Variants in GRAMD2A observed in about 807,000 individuals in gnomAD.
The protein encoded by GRAMD2A is GRAM domain containing 2A.
GRAMD2A carries 37 observed loss-of-function variants against 51.1 expected under a neutral mutation model. That is an observed-to-expected ratio of 0.72 (90% CI 0.56 to 0.95). The LOEUF is 0.95. GRAMD2A is among the 40% of genes least tolerant of loss of function. The pLI, the probability that GRAMD2A is intolerant of heterozygous loss-of-function variation, is 0.00. For synonymous variants in GRAMD2A, 136 were observed against 157.1 expected (o/e 0.87, Z 1.01); for missense variants, 414 against 426.9 (o/e 0.97, Z 0.27).
intron 1 of GRAMD2A, among the ~76,000 whole-genome samples, chr15:72,172,279 G>A (rs569996368): frequency 2.0e-5 from 3 of 151,608 alleles, no homozygotes; most frequent in East Asian, 1.9e-4. Context: ...CCACCATGCC[G>A]GGCTAAGGTT....
chr15:72,181,880 G>A (rs2081699335), intron 1 of GRAMD2A, among the ~76,000 whole-genome samples: 1 of 152,182 alleles, frequency 6.6e-6, no homozygotes, highest in Non-Finnish European at 1.5e-5. Flanking sequence ...TGAGTTACTG[G>A]CCCATAAGTG....
chr15:72,167,369 C>A (rs1481716404), intron 5 of GRAMD2A, among the ~76,000 whole-genome samples: 4 of 152,250 alleles, frequency 2.6e-5, no homozygotes, highest in Non-Finnish European at 5.9e-5. Flanking sequence ...TCTGGTAAAT[C>A]TCATACTCTA....
intron 1 of GRAMD2A, among the ~76,000 whole-genome samples, chr15:72,196,030 G>A (rs2081802956): frequency 6.6e-6 from 1 of 152,238 alleles, no homozygotes; most frequent in Non-Finnish European, 1.5e-5. Context: ...AAGTTGGGAA[G>A]GAGAACTTCT....
At chr15:72,196,419 G>A (rs1016382105) in intron 1 of GRAMD2A, among the ~76,000 whole-genome samples, 10 of 152,080 alleles carry the variant, frequency 6.6e-5, no homozygotes, top group African/African-American at 2.4e-4. Flanking sequence ...GGGAGGCTGA[G>A]GCAGGAGGAT....
At chr15:72,189,920 A>G (rs2081756350) in intron 1 of GRAMD2A, among the ~76,000 whole-genome samples, 1 of 152,180 alleles carries the variant, frequency 6.6e-6, no homozygotes, top group South Asian at 2.1e-4. Flanking sequence ...ACCCTTACTC[A>G]GTGTTATCCA....
At chr15:72,165,516 AC>A in intron 7 of GRAMD2A, 106 bp from the exon 8 acceptor site, 1 of 1,121,376 alleles carries the variant, frequency 8.9e-7, no homozygotes, top group South Asian at 1.3e-5. Flanking sequence ...CAAATAAGCC[AC>A]TTTGTGTCAG....
chr15:72,162,360 A>G lies in GRAMD2A; in HGVS notation c.974T>C (p.Met325Thr). ...ACGGAACGCCAGGTAGGATGAGGAC[A>G]TGACCAGGAAGCAGATCCTGAAGAA... The part of the protein sequence containing the change: ...VFFVLICFLV[M>T]SSSYLAFRIS... The change falls in exon 11 of 12, where the codon ATG (methionine) becomes ACG (threonine). Residue 325 changes from methionine to threonine, a missense_variant. Transcript: ENST00000309731. 6.2e-7 allele frequency: 1 copy of G among 1,613,610 alleles called. No homozygotes were observed. The highest frequency in any genetic ancestry group is 1.1e-5 in the South Asian group (1 of 91,054).
intron 1 of GRAMD2A, among the ~76,000 whole-genome samples, chr15:72,184,095 C>G (rs2081717884): frequency 6.6e-6 from 1 of 152,262 alleles, no homozygotes; most frequent in African/African-American, 2.4e-5. Context: ...TTGCATCTTT[C>G]TCTCCTGGTT....
At chr15:72,179,934 C>T (rs12906356) in intron 1 of GRAMD2A, among the ~76,000 whole-genome samples, 2,055 of 152,308 alleles carry the variant, frequency 0.013, 21 homozygotes, top group East Asian at 0.028. Flanking sequence ...AGGAACCAGC[C>T]GCGGCAAGGC....
rs2081470816 is a variant in GRAMD2A at position 72,161,158 on chromosome 15, G to A, written c.*851C>T. On this transcript the variant is annotated 3_prime_UTR_variant, in exon 12 of 12. Transcript: ENST00000309731. ...CCACCCTTCCCTTCCCTATTTCCAG[G>A]GCTTGGGACACCTTAGAAATGTTTG... 1 of 152,300 alleles carries A rather than the reference G, an allele frequency of 6.6e-6. No homozygotes were observed. 9.4% of individuals were successfully genotyped at this position (152,300 alleles called of 1,614,324 possible).
intron 1 of GRAMD2A, among the ~76,000 whole-genome samples, chr15:72,171,442 C>G (rs568800027): frequency 1.3e-5 from 2 of 151,894 alleles, no homozygotes; most frequent in East Asian, 3.9e-4. Flanking sequence ...ATTTGTATAC[C>G]CTACTTCTGT....
At chr15:72,188,007 G>C (rs762643426) in intron 1 of GRAMD2A, among the ~76,000 whole-genome samples, 1 of 152,074 alleles carries the variant, frequency 6.6e-6, no homozygotes, top group South Asian at 2.1e-4. Flanking sequence ...ACAATTTATT[G>C]CTAGGAAATA....
At chr15:72,190,451 C>A (rs556448530) in intron 1 of GRAMD2A, among the ~76,000 whole-genome samples, 32 of 152,278 alleles carry the variant, frequency 2.1e-4, no homozygotes, top group African/African-American at 7.5e-4. Flanking sequence ...AGGAACAAAC[C>A]TTTGTCCTCA....
At position 72,166,803 on chromosome 15, in the gene GRAMD2A, T is replaced by A; in HGVS notation, c.472-100A>T. ...GATTGGGCACAGGCCCACAGGGGTA[T>A]CAGGCCATGAGAGCCAACAGAAGCT... On this transcript the variant is annotated intron_variant, in intron 6 of 11. Transcript: ENST00000309731. This position sits in a 1 kb window ranked among gnomAD's most constrained non-coding sequence, Gnocchi z 4.1. 1 of 1,110,298 alleles carries A rather than the reference T, an allele frequency of 9.0e-7. No individual in the cohort carries two copies. Among genetic ancestry groups the A allele is most frequent in the Non-Finnish European group, 1.4e-6 (1 of 734,126 alleles). 68.8% of individuals were successfully genotyped at this position (1,110,298 alleles called of 1,614,324 possible).
chr15:72,177,325 A>G (rs2081661299), intron 1 of GRAMD2A, among the ~76,000 whole-genome samples: 2 of 152,236 alleles, frequency 1.3e-5, no homozygotes, highest in Admixed American at 6.5e-5. Context: ...GTACAATTCA[A>G]TGCATTTCAC....
At chr15:72,193,971 T>C (rs888845640) in intron 1 of GRAMD2A, among the ~76,000 whole-genome samples, 4 of 152,256 alleles carry the variant, frequency 2.6e-5, no homozygotes, top group African/African-American at 9.6e-5. Flanking sequence ...AGGGAGGCTG[T>C]TACTTCTTAA....
intron 1 of GRAMD2A, among the ~76,000 whole-genome samples, chr15:72,178,783 C>T (rs950406379): frequency 2.0e-5 from 3 of 151,754 alleles, no homozygotes; most frequent in African/African-American, 2.4e-5. Context: ...ACCGTGTTAG[C>T]CAGGATGGTC....
rs1191128367 is a variant in GRAMD2A at position 72,161,760 on chromosome 15, T to G, written c.*249A>C. On this transcript the variant is annotated 3_prime_UTR_variant, in exon 12 of 12. Transcript: ENST00000309731. ...AAGCTTTGTGTACAGAATTCCTCAG[T>G]TGGTTCCAAAAAATCTGGCTTTTTG... 4 of 518,728 alleles carry G rather than the reference T, an allele frequency of 7.7e-6. No homozygotes were observed. Among genetic ancestry groups the G allele is most frequent in the Non-Finnish European group, 1.4e-5 (4 of 284,974 alleles). 32.1% of individuals were successfully genotyped at this position (518,728 alleles called of 1,614,324 possible).
chr15:72,163,629 CCTGGAGGGGAAGAAA>C lies in GRAMD2A; in HGVS notation c.714_728del (p.Ser238_Ser242del). On this transcript the variant is annotated inframe_deletion, in exon 9 of 12. Transcript: ENST00000309731. ...CGAACTTACCAGACATTGGAGGCTT[CCTGGAGGGGAAGAAA>C]CTGTCTGTGGAGTCCACGGATGATG... 2 of 1,598,786 alleles carry C rather than the reference CCTGGAGGGGAAGAAA, an allele frequency of 1.3e-6. No homozygotes were observed. The highest frequency in any genetic ancestry group is 8.5e-7 in the Non-Finnish European group (1 of 1,175,102).
Sources: allele counts gnomAD v4.1 joint callset (sites outside exome capture counted in the v4.1 genomes callset), GRCh38; gene constraint gnomAD v4.1.1; non-coding constraint Gnocchi (gnomAD v3.1); transcripts MANE v1.5; gene names NCBI Gene and HGNC (gene_info 2026-07-23, HGNC 2026-07-21).